Variants in CSMD3 observed in about 807,000 individuals in gnomAD.
CSMD3 encodes CUB and Sushi multiple domains 3, also known as CUB and sushi domain-containing protein 3.
A neutral mutation model predicts 435.2 loss-of-function variants in CSMD3; 177 were observed. That is an observed-to-expected ratio of 0.41 (90% CI 0.36 to 0.46). The LOEUF (loss-of-function observed/expected upper bound fraction) is 0.46. Ranked by LOEUF, CSMD3 falls within the 20% of genes least tolerant of loss-of-function variation. The probability of loss-of-function intolerance (pLI) is 0.34; values close to 1 mark genes in which losing one functional copy is unlikely to be tolerated. For missense variants in CSMD3, 4,265 were observed against 4,504.6 expected (o/e 0.95, Z 1.52); for synonymous variants, 1,656 against 1,520.5 (o/e 1.09, Z -2.07).
chr8:113,272,042 T>C (rs551356213), intron 3 of CSMD3, among the ~76,000 whole-genome samples: 2 of 152,188 alleles, frequency 1.3e-5, no homozygotes, highest in East Asian at 3.9e-4. Context: ...TATGGACAAT[T>C]TCTCCCATTT....
At chr8:112,655,293 G>A (rs1170123665) in intron 18 of CSMD3, among the ~76,000 whole-genome samples, 33 of 152,000 alleles carry the variant, frequency 2.2e-4, no homozygotes, top group Admixed American at 2.1e-3. Flanking sequence ...TATAATATCT[G>A]CATTTGAAAT....
chr8:113,296,048 C>CA (rs2093718787), intron 2 of CSMD3, among the ~76,000 whole-genome samples: 1 of 149,800 alleles, frequency 6.7e-6, no homozygotes, highest in South Asian at 2.1e-4. Context: ...ATCGCAAGGA[C>CA]AAAAAACCAA....
At position 112,636,407 on chromosome 8, in the gene CSMD3, C is replaced by G. The variant is rs181725517; in HGVS notation, c.3715+410G>C. On this transcript the variant is annotated intron_variant, in intron 22 of 70. Transcript: ENST00000297405. ...TATAAAATATTGTCAAAACCTTGGT[C>G]AGAATATACTATCAATAGAATACAA... Among the ~76,000 whole-genome samples, 4 of 152,150 alleles carry G rather than the reference C, an allele frequency of 2.6e-5. No homozygotes were observed. The East Asian group carries it at 7.7e-4, about 29-fold the overall frequency.
chr8:112,615,198 T>C (rs978245574), intron 22 of CSMD3, among the ~76,000 whole-genome samples: 1 of 152,128 alleles, frequency 6.6e-6, no homozygotes, highest in African/African-American at 2.4e-5. Flanking sequence ...ACTTAGATCA[T>C]GCAAAATGTA....
chr8:112,562,106 C>T (rs1341344796), intron 24 of CSMD3, among the ~76,000 whole-genome samples: 1 of 151,626 alleles, frequency 6.6e-6, no homozygotes, highest in African/African-American at 2.4e-5. Flanking sequence ...ACTTTGTCCT[C>T]AAGATTCAAC....
intron 16 of CSMD3, among the ~76,000 whole-genome samples, chr8:112,670,255 G>A (rs983959193): frequency 1.3e-5 from 2 of 152,116 alleles, no homozygotes; most frequent in Non-Finnish European, 2.9e-5. Context: ...ATGCATAGAG[G>A]ATTGAGTTAG....
At position 112,423,139 on chromosome 8, in the gene CSMD3, AT is replaced by A. The variant is rs377407905; in HGVS notation, c.5396-14108del. Among the ~76,000 whole-genome samples the A allele has an allele frequency of 1.3e-3, 190 of 150,338 alleles. 1 individual carries two copies. The highest frequency in any genetic ancestry group is 3.1e-3 in the African/African-American group (129 of 41,086). The stretch of plus-strand genomic sequence containing the variant: ...GCCCAAAGACTTTCCTTTGATAGTT[AT>A]TTTTTTTTTCTTTTCAGAAACAGTC... On this transcript the variant is annotated intron_variant, in intron 32 of 70. Coordinates refer to ENST00000297405, the MANE Select transcript of CSMD3 (RefSeq NM_198123.2).
chr8:112,730,275 A>G (rs1328724983), intron 13 of CSMD3, among the ~76,000 whole-genome samples: 1 of 152,128 alleles, frequency 6.6e-6, no homozygotes, highest in Non-Finnish European at 1.5e-5. Context: ...CTTGTGAAAT[A>G]CTACCATAAG....
chr8:113,118,521 G>A (rs1319954175), intron 4 of CSMD3, among the ~76,000 whole-genome samples: 2 of 152,024 alleles, frequency 1.3e-5, no homozygotes, highest in Non-Finnish European at 2.9e-5. Context: ...TACTGACTGG[G>A]CATGGTGGCT....
intron 6 of CSMD3, among the ~76,000 whole-genome samples, chr8:113,003,641 T>C (rs1270371296): frequency 6.6e-6 from 1 of 151,992 alleles, no homozygotes; most frequent in Non-Finnish European, 1.5e-5. Context: ...GAGGAACAAA[T>C]TCAGGAATCT....
At chr8:112,513,643 G>A (rs1157734770) in intron 28 of CSMD3, among the ~76,000 whole-genome samples, 3 of 152,164 alleles carry the variant, frequency 2.0e-5, no homozygotes, top group East Asian at 1.9e-4. Context: ...TGGAAAAAAA[G>A]TCTATTAGGA....
intron 54 of CSMD3, among the ~76,000 whole-genome samples, chr8:112,295,630 T>C (rs529988481): frequency 6.6e-6 from 1 of 151,994 alleles, no homozygotes; most frequent in Admixed American, 6.6e-5. Context: ...TAATTTATTA[T>C]CTTCATGATA....
At chr8:112,478,002 G>C (rs935223618) in intron 31 of CSMD3, among the ~76,000 whole-genome samples, 1 of 152,056 alleles carries the variant, frequency 6.6e-6, no homozygotes, top group Non-Finnish European at 1.5e-5. Flanking sequence ...AGTCTCACAG[G>C]ATCTGATGAT....
chr8:112,541,406 A>G (rs1057512201), intron 27 of CSMD3, among the ~76,000 whole-genome samples: 31 of 151,842 alleles, frequency 2.0e-4, no homozygotes, highest in African/African-American at 7.5e-4. Context: ...AGACTAAAAT[A>G]AATAAAATCA....
At position 112,223,054 on chromosome 8, in the gene CSMD3, G is replaced by A. The variant is rs577635350; in HGVS notation, c.*1717C>T. 7.5e-6 allele frequency: 3 copies of A among 398,484 alleles called. No individual in the cohort carries two copies. In the South Asian group the frequency reaches 3.8e-4, roughly 51 times the overall value. The allele number at this position is 398,484 out of a possible 1,614,324, so 24.7% of individuals were successfully genotyped here. A position where few individuals can be genotyped will look rare whatever the true frequency, so the allele number is the denominator to read the frequency against. Reference sequence around the variant, plus strand: ...AAAAGTGTATGCATTAATATAAGAGGAGTAGCCAGTTGCAGAAGAAACATT... The same window carrying A: ...AAAAGTGTATGCATTAATATAAGAGAAGTAGCCAGTTGCAGAAGAAACATT... On this transcript the variant is annotated 3_prime_UTR_variant, in exon 71 of 71. Coordinates refer to ENST00000297405, the MANE Select transcript of CSMD3 (RefSeq NM_198123.2).
intron 12 of CSMD3, 123 bp downstream of exon 12, chr8:112,829,563 A>C (rs1488165586): frequency 8.4e-6 from 6 of 710,920 alleles, no homozygotes; most frequent in Non-Finnish European, 1.6e-5. Flanking sequence ...AACAATAATA[A>C]CTAAGTTACT....
At chr8:113,075,119 T>C (rs955283630) in intron 5 of CSMD3, among the ~76,000 whole-genome samples, 2 of 151,778 alleles carry the variant, frequency 1.3e-5, no homozygotes, top group Admixed American at 6.6e-5. Flanking sequence ...GTGAATTTTA[T>C]TTAATTGACA....
intron 4 of CSMD3, among the ~76,000 whole-genome samples, chr8:113,128,577 T>C (rs916108481): frequency 2.0e-5 from 3 of 151,994 alleles, no homozygotes; most frequent in African/African-American, 7.2e-5. Flanking sequence ...GATGCATTGA[T>C]ACAAATCATA....
At chr8:113,214,112 T>C (rs2092872148) in intron 3 of CSMD3, among the ~76,000 whole-genome samples, 1 of 152,046 alleles carries the variant, frequency 6.6e-6, no homozygotes, top group South Asian at 2.1e-4. Context: ...GAGAGGCTAC[T>C]ACTTCAGTAG....
Sources: allele counts gnomAD v4.1 joint callset (sites outside exome capture counted in the v4.1 genomes callset), GRCh38; gene constraint gnomAD v4.1.1; transcripts MANE v1.5; gene names NCBI Gene and HGNC (gene_info 2026-07-23, HGNC 2026-07-21).